The following CACNA1B variants were observed in gnomAD, a reference collection of about 807,000 sequenced individuals.
CACNA1B encodes calcium voltage-gated channel subunit alpha1 B, also known as voltage-dependent N-type calcium channel subunit alpha-1B.
Under a neutral mutation model 247.2 loss-of-function variants are expected in CACNA1B, and 70 were observed. That is an observed-to-expected ratio of 0.28 (90% CI 0.23 to 0.35). The LOEUF is 0.35. Ranked by LOEUF, CACNA1B falls within the 10% of genes least tolerant of loss-of-function variation. The pLI is 1.00. For synonymous variants in CACNA1B, 1,231 were observed against 1,294.4 expected, an observed-to-expected ratio of 0.95 and a Z score of 1.05; for missense variants, 2,367 against 3,197.4, an observed-to-expected ratio of 0.74 and a Z score of 6.26.
chr9:138,120,136 T>C, intron 44 of CACNA1B, 29 bp from the exon 45 acceptor site: 3 of 1,562,050 alleles, frequency 1.9e-6, no homozygotes, highest in Non-Finnish European at 2.6e-6. Context: ...GTGCCTCCCC[T>C]AGGCCCACTC....
chr9:138,067,970 G>A (rs1208675882), intron 31 of CACNA1B, among the ~76,000 whole-genome samples: 2 of 152,222 alleles, frequency 1.3e-5, no homozygotes, highest in Non-Finnish European at 2.9e-5. Flanking sequence ...CTCTGCTAAC[G>A]TAGTGAAAAT....
intron 26 of CACNA1B, among the ~76,000 whole-genome samples, chr9:138,056,997 G>A (rs1167323488): frequency 4.7e-5 from 7 of 147,630 alleles, no homozygotes; most frequent in Admixed American, 1.4e-4. Flanking sequence ...GTGCAGTGGC[G>A]CGATCTCGGC....
At position 138,023,682 on chromosome 9, in the gene CACNA1B, G is replaced by A; in HGVS notation, c.2939G>A (p.Arg980Gln). 1 of 1,511,320 alleles carries A rather than the reference G, an allele frequency of 6.6e-7. No homozygotes were observed. Among genetic ancestry groups the A allele is most frequent in the Non-Finnish European group, 8.9e-7 (1 of 1,129,010 alleles). The allele number at this position is 1,511,320 out of a possible 1,614,324, so 93.6% of individuals were successfully genotyped here. A position where few individuals can be genotyped will look rare whatever the true frequency, so the allele number is the denominator to read the frequency against. ...ESGEEPARRH[R>Q]ARHKAQPAHE... ...GGGGAGGAGCCGGCGCGGCGGCACC[G>A]GGCCCGGCACAAGGCGCAGCCTGCT... is the stretch of plus-strand genomic sequence containing the variant. Residue 980 changes from arginine to glutamine, a missense_variant, in exon 19 of 47, where the codon CGG (arginine) becomes CAG (glutamine). Arg to Gln is a conservative substitution (Grantham distance 43). Around this residue, in one of 12 missense-constraint regions of CACNA1B, gnomAD observed 631 missense variants for 631.1 expected, o/e 1.00. Coordinates refer to ENST00000371372, the MANE Select transcript of CACNA1B (RefSeq NM_000718.4).
chr9:137,969,442 A>G (rs116599778), intron 10 of CACNA1B, among the ~76,000 whole-genome samples: 67 of 152,214 alleles, frequency 4.4e-4, no homozygotes, highest in African/African-American at 1.5e-3. Context: ...CCCATTGTGA[A>G]AGGGCAGCAT....
chr9:138,112,421 G>A lies in CACNA1B; in HGVS notation c.5452G>A (p.Asp1818Asn). 1.9e-6 allele frequency: 3 copies of A among 1,613,578 alleles called. 1 individual carries two copies. In the South Asian group the frequency reaches 3.3e-5, roughly 18 times the overall value. Residue 1818 changes from aspartate to asparagine, a missense_variant, in exon 40 of 47, where the codon GAC becomes AAC. Transcript: ENST00000371372. ...APAGTKQHQC[D>N]AELRKEISVV... ...AGCTGGGACAAAGCAGCATCAGTGT[G>A]ACGCGGAGTTGAGGAAGGAGATTTC...
At chr9:137,884,474 C>T (rs1404497799) in intron 3 of CACNA1B, among the ~76,000 whole-genome samples, 64 of 144,842 alleles carry the variant, frequency 4.4e-4, no homozygotes, top group Admixed American at 1.8e-3. Context: ...GAGGACTGGG[C>T]GCTCCCACAT....
intron 6 of CACNA1B, among the ~76,000 whole-genome samples, chr9:137,948,446 T>C (rs1252160891): frequency 6.6e-6 from 1 of 152,226 alleles, no homozygotes; most frequent in Non-Finnish European, 1.5e-5. Flanking sequence ...TACTGTTCAC[T>C]GATTCCTTCC....
Position 137,914,410 on chromosome 9 carries a change from CT to C in CACNA1B, c.623-243del, listed in dbSNP as rs1957389316. Among the ~76,000 whole-genome samples, 1 of 151,966 alleles carries C rather than the reference CT, an allele frequency of 6.6e-6. No homozygotes were observed. Among genetic ancestry groups the C allele is most frequent in the South Asian group, 2.1e-4 (1 of 4,818 alleles). ...CTCCTCTGCCTACTTTGAGACACTT[CT>C]CAGTCGACTTCTCTCTAGGACCTTA... On this transcript the variant is annotated intron_variant, in intron 4 of 46. Coordinates refer to ENST00000371372, the MANE Select transcript of CACNA1B (RefSeq NM_000718.4). The surrounding 1 kb of genome is among the most constrained non-coding windows in gnomAD (Gnocchi z 4.3).
At chr9:137,944,877 A>AAGG (rs951623409) in intron 6 of CACNA1B, among the ~76,000 whole-genome samples, 3 of 152,078 alleles carry the variant, frequency 2.0e-5, no homozygotes, top group African/African-American at 7.2e-5. Context: ...AGCACTTGGC[A>AAGG]AGGAGTTATA....
Position 138,102,027 on chromosome 9 carries a change from G to A in CACNA1B, c.5223-684G>A, listed in dbSNP as rs374819992. On this transcript the variant is annotated intron_variant, in intron 37 of 46. Transcript: ENST00000371372. The surrounding 1 kb of genome is among the most constrained non-coding windows in gnomAD (Gnocchi z 5.4). ...GTCCTGCCAGCTCCTCCCCCCTCCC[G>A]CAGTCTCCCATTTCCCACCCAGCCC... Among the ~76,000 whole-genome samples the A allele has an allele frequency of 2.0e-5, 3 of 152,082 alleles. No homozygotes were observed. In the East Asian group the frequency reaches 5.8e-4, roughly 29 times the overall value.
Position 137,957,096 on chromosome 9 carries a change from C to A in CACNA1B, c.1243+269C>A, listed in dbSNP as rs116357233. On this transcript the variant is annotated intron_variant, in intron 9 of 46. Transcript: ENST00000371372. The surrounding 1 kb of genome is among the most constrained non-coding windows in gnomAD (Gnocchi z 4.7). ...GACCATGGGAGGGCTCATGGCACAA[C>A]CTGGGGCCATGAGAGGGAGCCCGGG... Among the ~76,000 whole-genome samples, 1,218 of 152,284 alleles carry A rather than the reference C, an allele frequency of 8.0e-3. 14 individuals carry two copies. Among genetic ancestry groups the A allele is most frequent in the African/African-American group, 0.028 (1,171 of 41,564 alleles).
intron 6 of CACNA1B, among the ~76,000 whole-genome samples, chr9:137,945,547 A>G (rs1957785779): frequency 6.6e-6 from 1 of 152,262 alleles, no homozygotes; most frequent in Non-Finnish European, 1.5e-5. Context: ...CCCGACTTCT[A>G]GCATCCTTAT....
chr9:137,904,663 G>T (rs928299067), intron 3 of CACNA1B, among the ~76,000 whole-genome samples: 2 of 151,902 alleles, frequency 1.3e-5, no homozygotes, highest in African/African-American at 2.4e-5. Flanking sequence ...CCACTGCACT[G>T]CCTCCGCCTC....
At chr9:137,930,964 G>T (rs1957600967) in intron 6 of CACNA1B, among the ~76,000 whole-genome samples, 1 of 151,134 alleles carries the variant, frequency 6.6e-6, no homozygotes, top group African/African-American at 2.4e-5. Context: ...ACATTTTTTT[G>T]GAGACAGTCT....
rs373309375 is a variant in CACNA1B at position 138,112,390 on chromosome 9, T to C, written c.5429-8T>C. 25 of 1,605,956 alleles carry C rather than the reference T, an allele frequency of 1.6e-5. No homozygotes were observed. In the African/African-American group the frequency reaches 2.4e-4, roughly 15 times the overall value. ...CTTTTCCCCTTCCCCACCATCATCC[T>C]GGTGCAGCTGGGACAAAGCAGCATC... On this transcript the variant is annotated splice_polypyrimidine_tract_variant and splice_region_variant and intron_variant, in intron 39 of 46. Transcript: ENST00000371372.
At chr9:137,936,033 T>A (rs1257838027) in intron 6 of CACNA1B, among the ~76,000 whole-genome samples, 2 of 152,192 alleles carry the variant, frequency 1.3e-5, no homozygotes, top group African/African-American at 2.4e-5. Flanking sequence ...ATTTTTGGTA[T>A]TTTTTAGTAG....
intron 12 of CACNA1B, among the ~76,000 whole-genome samples, chr9:137,977,907 C>A (rs1412119344): frequency 2.7e-5 from 4 of 150,902 alleles, no homozygotes; most frequent in Non-Finnish European, 5.9e-5. Context: ...GGGTGCACTA[C>A]CCCCGCAGGA....
At chr9:137,999,543 T>C (rs1046543166) in intron 15 of CACNA1B, among the ~76,000 whole-genome samples, 1 of 152,066 alleles carries the variant, frequency 6.6e-6, no homozygotes, top group Non-Finnish European at 1.5e-5. Context: ...AAAAGTGTCT[T>C]GCCCTGTCAC....
intron 10 of CACNA1B, among the ~76,000 whole-genome samples, chr9:137,967,826 C>T (rs912753905): frequency 1.2e-4 from 18 of 152,188 alleles, no homozygotes; most frequent in African/African-American, 3.1e-4. Context: ...TGCTTCCCTC[C>T]GTTTGTCTCA....
Sources: gnomAD v4.1 joint callset for allele counts (sites outside exome capture counted in the v4.1 genomes callset) on GRCh38, gnomAD v4.1.1 for gene constraint, gnomAD v4.1.1 regional missense constraint, Gnocchi (gnomAD v3.1) non-coding constraint, MANE v1.5 for transcripts, NCBI Gene and HGNC (gene_info 2026-07-23, HGNC 2026-07-21) for gene names.